The following CBFA2T2 variants were observed in gnomAD, a reference collection of about 807,000 sequenced individuals.
The protein encoded by CBFA2T2 is CBFA2/RUNX1 partner transcriptional co-repressor 2, also known as protein CBFA2T2.
In CBFA2T2, 11 loss-of-function variants were observed where a neutral mutation model predicts 62.2. The ratio of observed to expected loss-of-function variants is 0.18; its 90% confidence interval spans 0.11 to 0.29. The LOEUF is 0.29. Ranked by LOEUF, CBFA2T2 falls within the 10% of genes least tolerant of loss-of-function variation. The pLI is 1.00. For missense variants in CBFA2T2, 592 were observed against 774.1 expected (o/e 0.76, Z 2.79); for synonymous variants, 295 against 287.5 (o/e 1.03, Z -0.27).
At chr20:33,628,608 A>C (rs990569280) in intron 7 of CBFA2T2, among the ~76,000 whole-genome samples, 173 bp downstream of exon 7, 3 of 152,148 alleles carry the variant, frequency 2.0e-5, no homozygotes, top group Non-Finnish European at 4.4e-5. Context: ...AGCTGGGATT[A>C]CAGGTGTACG....
intron 3 of CBFA2T2, among the ~76,000 whole-genome samples, chr20:33,615,584 C>A (rs1178343058): frequency 6.6e-6 from 1 of 152,112 alleles, no homozygotes; most frequent in Non-Finnish European, 1.5e-5. Context: ...TCCCTATTCC[C>A]CCCAATAAGT....
chr20:33,622,599 A>G (rs1279061342), intron 4 of CBFA2T2, among the ~76,000 whole-genome samples: 6 of 152,220 alleles, frequency 3.9e-5, no homozygotes, highest in African/African-American at 1.4e-4. Context: ...TACATTTTAC[A>G]TCACTCCCAG....
In CBFA2T2 at chr20:33,650,027, T is replaced by C. The variant is rs1343215755; in HGVS notation, c.*5381T>C. ...AAAGTAGTCAATAAAAAGGCTATAT[T>C]CCTTTTCTGCCTCAAGCTGGAATGG... On this transcript the variant is annotated 3_prime_UTR_variant, in exon 11 of 11. Transcript: ENST00000342704. 6.6e-6 allele frequency: 1 copy of C among 152,610 alleles called. No individual in the cohort carries two copies. Among genetic ancestry groups the C allele is most frequent in the Non-Finnish European group, 1.5e-5 (1 of 68,032 alleles). 9.5% of individuals were successfully genotyped at this position (152,610 alleles called of 1,614,324 possible).
intron 1 of CBFA2T2, among the ~76,000 whole-genome samples, chr20:33,535,767 TAAAC>T (rs1234360245): frequency 2.0e-5 from 3 of 151,694 alleles, no homozygotes; most frequent in Non-Finnish European, 4.4e-5. Flanking sequence ...GGTCAGCAGA[TAAAC>T]AAGTGAACAA....
In CBFA2T2 at chr20:33,645,822, C is replaced by A. The variant is rs1222594929; in HGVS notation, c.*1176C>A. 2 of 152,208 alleles carry A rather than the reference C, an allele frequency of 1.3e-5. No homozygotes were observed. Among genetic ancestry groups the A allele is most frequent in the Non-Finnish European group, 2.9e-5 (2 of 68,052 alleles). The allele number at this position is 152,208 out of a possible 1,614,324, so 9.4% of individuals were successfully genotyped here. On this transcript the variant is annotated 3_prime_UTR_variant, in exon 11 of 11. Coordinates refer to ENST00000342704, the MANE Select transcript of CBFA2T2 (RefSeq NM_001032999.3). ...CTTCTGTTTCCTTCTCTTGTGTTAT[C>A]TGATAGCGTCCCTCCTTGAGCTCAT...
intron 1 of CBFA2T2, among the ~76,000 whole-genome samples, chr20:33,584,297 A>C: frequency 7.9e-6 from 1 of 126,838 alleles, no homozygotes; most frequent in African/African-American, 3.1e-5. Context: ...ACAGAGTCTC[A>C]CTCTGTCGCC....
chr20:33,503,254 C>CTTTCT (rs1555828119), intron 1 of CBFA2T2, among the ~76,000 whole-genome samples: 3 of 108,664 alleles, frequency 2.8e-5, no homozygotes, highest in South Asian at 3.0e-4. Context: ...TTCTTTCTTT[C>CTTTCT]TTTTTTTTTT....
chr20:33,499,036 T>A (rs1409235801), intron 1 of CBFA2T2, among the ~76,000 whole-genome samples: 2 of 140,102 alleles, frequency 1.4e-5, no homozygotes, highest in Non-Finnish European at 3.0e-5. Context: ...AGAGTGAAAC[T>A]CCGTCTAAAA....
At chr20:33,555,826 G>A (rs1479157548) in intron 1 of CBFA2T2, among the ~76,000 whole-genome samples, 1 of 152,016 alleles carries the variant, frequency 6.6e-6, no homozygotes, top group South Asian at 2.1e-4. Flanking sequence ...AATTTAACTG[G>A]CATGTCTCTT....
intron 1 of CBFA2T2, among the ~76,000 whole-genome samples, chr20:33,537,431 G>A (rs551137060): frequency 5.3e-4 from 80 of 152,354 alleles, no homozygotes; most frequent in African/African-American, 1.4e-3. Flanking sequence ...AGCCGAGATG[G>A]CAGCAGTACA....
intron 1 of CBFA2T2, among the ~76,000 whole-genome samples, chr20:33,563,850 C>G (rs1190091013): frequency 1.3e-5 from 2 of 152,098 alleles, no homozygotes; most frequent in African/African-American, 2.4e-5. Context: ...GCCTGTAGTT[C>G]TAGTTTTCAG....
chr20:33,533,019 C>T (rs1456858839), intron 1 of CBFA2T2, among the ~76,000 whole-genome samples: 1 of 152,194 alleles, frequency 6.6e-6, no homozygotes, highest in Admixed American at 6.5e-5. Context: ...CAGAGAACTA[C>T]ACGCCCCTTC....
At chr20:33,519,282 C>T (rs558895648) in intron 1 of CBFA2T2, among the ~76,000 whole-genome samples, 7 of 152,054 alleles carry the variant, frequency 4.6e-5, no homozygotes, top group Admixed American at 1.3e-4. Context: ...CCAGCCTGGC[C>T]GACAAGGTGA....
chr20:33,568,382 A>G (rs370581573), intron 1 of CBFA2T2, among the ~76,000 whole-genome samples: 5 of 152,316 alleles, frequency 3.3e-5, no homozygotes, highest in African/African-American at 1.2e-4. Flanking sequence ...ATTCTAAGTC[A>G]TGGGAGAAGG....
At chr20:33,502,543 A>G (rs1470159622) in intron 1 of CBFA2T2, among the ~76,000 whole-genome samples, 1 of 151,806 alleles carries the variant, frequency 6.6e-6, no homozygotes, top group Non-Finnish European at 1.5e-5. Context: ...AGCTGGGACC[A>G]CAGGCGCCCG....
chr20:33,503,472 A>G (rs1174511109), intron 1 of CBFA2T2, among the ~76,000 whole-genome samples: 1 of 151,704 alleles, frequency 6.6e-6, no homozygotes, highest in Non-Finnish European at 1.5e-5. Context: ...CCAGGCTGGT[A>G]TCGAACTCCT....
intron 1 of CBFA2T2, among the ~76,000 whole-genome samples, chr20:33,506,374 A>G (rs533589957): frequency 6.6e-6 from 1 of 152,196 alleles, no homozygotes; most frequent in African/African-American, 2.4e-5. Flanking sequence ...CTCTTTTTTC[A>G]TATTTACTTT....
At chr20:33,513,512 C>A (rs1226532816) in intron 1 of CBFA2T2, among the ~76,000 whole-genome samples, 1 of 151,768 alleles carries the variant, frequency 6.6e-6, no homozygotes, top group Admixed American at 6.6e-5. Context: ...CAGGTGCCCA[C>A]CATCACGCCC....
chr20:33,505,036 CAT>C (rs1377400524), intron 1 of CBFA2T2, among the ~76,000 whole-genome samples: 1 of 152,188 alleles, frequency 6.6e-6, no homozygotes, highest in East Asian at 1.9e-4. Context: ...ACAATTTTCA[CAT>C]ATCTAATTTT....
Sources: allele counts gnomAD v4.1 joint callset (sites outside exome capture counted in the v4.1 genomes callset), GRCh38; gene constraint gnomAD v4.1.1; transcripts MANE v1.5; gene names NCBI Gene and HGNC (gene_info 2026-07-23, HGNC 2026-07-21).